The following EP400 variants were observed in gnomAD, a reference collection of about 807,000 sequenced individuals.
EP400 encodes E1A binding protein p400.
Under a neutral mutation model 354.1 loss-of-function variants are expected in EP400, and 105 were observed. The observed-to-expected ratio is 0.30, with a 90% CI of 0.25 to 0.35. The LOEUF is 0.35. EP400 is among the 10% of genes least tolerant of loss of function. The pLI is 1.00. For missense variants in EP400, 3,280 were observed against 4,121.0 expected (o/e 0.80, Z 5.59); for synonymous variants, 1,646 against 1,716.9 (o/e 0.96, Z 1.02).
chr12:132,062,722 C>T, intron 47 of EP400, 21 bp downstream of exon 47: 1 of 1,610,734 alleles, frequency 6.2e-7, no homozygotes, highest in Non-Finnish European at 8.5e-7. Flanking sequence ...CCCAGAGGAC[C>T]ATGAACGTGT....
At chr12:131,963,457 C>T in intron 2 of EP400, 1 of 1,071,934 alleles carries the variant, frequency 9.3e-7, no homozygotes, top group Non-Finnish European at 1.4e-6. Flanking sequence ...GAGCTATCAG[C>T]AATAAAATTC....
At chr12:131,951,133 G>A (rs1891471833) in intron 1 of EP400, among the ~76,000 whole-genome samples, 1 of 147,704 alleles carries the variant, frequency 6.8e-6, no homozygotes, top group South Asian at 2.1e-4. Flanking sequence ...GGTCCGGCTG[G>A]TCTGGAACTC....
At chr12:131,992,920 T>G (rs1893088083) in intron 11 of EP400, among the ~76,000 whole-genome samples, 1 of 152,228 alleles carries the variant, frequency 6.6e-6, no homozygotes, top group East Asian at 1.9e-4. Flanking sequence ...CTTTTCCAAA[T>G]TTTTGAAGAT....
chr12:131,957,185 A>G (rs1891731938), intron 1 of EP400, among the ~76,000 whole-genome samples: 1 of 151,840 alleles, frequency 6.6e-6, no homozygotes, highest in Non-Finnish European at 1.5e-5. Flanking sequence ...TTTGTCTTTA[A>G]TTAATTTTTC....
chr12:131,956,033 C>T (rs1277526186), intron 1 of EP400, among the ~76,000 whole-genome samples: 1 of 152,178 alleles, frequency 6.6e-6, no homozygotes, highest in Non-Finnish European at 1.5e-5. Flanking sequence ...TCCCCATTTC[C>T]TCATGCATCT....
At chr12:132,059,808 GAT>G (rs953134375) in intron 45 of EP400, among the ~76,000 whole-genome samples, 2 of 151,706 alleles carry the variant, frequency 1.3e-5, no homozygotes, top group Non-Finnish European at 2.9e-5. Flanking sequence ...GAGGTCAGGA[GAT>G]AAGAGACCAT....
rs185686043 is a variant in EP400 at position 131,982,062 on chromosome 12, C to G, written c.1544-31C>G. The stretch of plus-strand genomic sequence containing the variant: ...GGTAGAAGCTGCCACACTTGGGAAT[C>G]AGTGCTTTTGGCACTTTTCTTATTT... On this transcript the variant is annotated intron_variant, in intron 4 of 52. Transcript: ENST00000389561. 2.3e-4 allele frequency: 350 copies of G among 1,500,752 alleles called. 2 individuals are homozygous for G. In the African/African-American group the frequency reaches 4.3e-3, roughly 18 times the overall value. 93.0% of individuals were successfully genotyped at this position (1,500,752 alleles called of 1,614,324 possible).
At chr12:132,012,982 C>A in intron 16 of EP400, 27 bp from the exon 17 acceptor site, 2 of 1,564,546 alleles carry the variant, frequency 1.3e-6, no homozygotes, top group Non-Finnish European at 1.7e-6. Flanking sequence ...AGTGTGAAGG[C>A]ACTGAGCTGT....
At chr12:131,975,198 G>A (rs1160570407) in intron 2 of EP400, among the ~76,000 whole-genome samples, 1 of 152,110 alleles carries the variant, frequency 6.6e-6, no homozygotes, top group Non-Finnish European at 1.5e-5. Context: ...GCCACAGCCG[G>A]GGAGCAGTCA....
chr12:132,010,533 A>T (rs941871800), intron 15 of EP400, among the ~76,000 whole-genome samples: 6 of 152,278 alleles, frequency 3.9e-5, no homozygotes, highest in Non-Finnish European at 8.8e-5. Flanking sequence ...CCATAGATGG[A>T]TGTGTTGTAA....
chr12:131,976,581 G>A (rs1207951433), intron 2 of EP400, among the ~76,000 whole-genome samples: 1 of 152,002 alleles, frequency 6.6e-6, no homozygotes, highest in Non-Finnish European at 1.5e-5. Context: ...GCATGGTGGC[G>A]CACCTGTAGT....
At chr12:131,955,185 A>T (rs561485242) in intron 1 of EP400, among the ~76,000 whole-genome samples, 14 of 152,276 alleles carry the variant, frequency 9.2e-5, no homozygotes, top group Non-Finnish European at 2.1e-4. Flanking sequence ...GTTTCTTTGC[A>T]TTATAGTTGA....
Position 132,037,754 on chromosome 12 carries a change from T to A in EP400, c.6024T>A (p.Ala2008=), listed in dbSNP as rs1894764790. The change falls in exon 31 of 53, where the codon GCT becomes GCA. Residue 2008 remains alanine (A), a synonymous_variant. Transcript: ENST00000389561. ...CTAAAGATCTGATCCGAGAAGTGGCTGCTCAGGGAAATGACTACTCCATGG... is the reference window on the plus strand; with the variant it reads ...CTAAAGATCTGATCCGAGAAGTGGCAGCTCAGGGAAATGACTACTCCATGG... ...NGTKDLIREV[A]AQGNDYSMAF... 2 of 1,614,104 alleles carry A rather than the reference T, an allele frequency of 1.2e-6. No individual in the cohort carries two copies. Among genetic ancestry groups the A allele is most frequent in the Non-Finnish European group, 1.7e-6 (2 of 1,180,046 alleles).
In EP400 at chr12:131,986,887, C is replaced by T. The variant is rs1412755925; in HGVS notation, c.2223+80C>T. Reference sequence around the variant, plus strand: ...GTTTTAATTGTCAAGAATGTGATGGCGTAAAACCGAATGCCTGGTCAATTC... The same window carrying T: ...GTTTTAATTGTCAAGAATGTGATGGTGTAAAACCGAATGCCTGGTCAATTC... On this transcript the variant is annotated intron_variant, in intron 6 of 52. Coordinates refer to ENST00000389561, the MANE Select transcript of EP400 (RefSeq NM_015409.5). 5.4e-6 allele frequency: 8 copies of T among 1,474,948 alleles called. No individual in the cohort carries two copies. The East Asian group carries it at 9.1e-5, about 17-fold the overall frequency. The allele number at this position is 1,474,948 out of a possible 1,614,324, so 91.4% of individuals were successfully genotyped here. A position where few individuals can be genotyped will look rare whatever the true frequency, so the allele number is the denominator to read the frequency against.
At chr12:132,051,869 T>C (rs887483235) in intron 41 of EP400, among the ~76,000 whole-genome samples, 1 of 152,156 alleles carries the variant, frequency 6.6e-6, no homozygotes, top group African/African-American at 2.4e-5. Context: ...TCCTTGACAC[T>C]AATGCTACTG....
At chr12:131,987,947 GC>G (rs1892907231) in intron 7 of EP400, 57 bp downstream of exon 7, 1 of 1,412,666 alleles carries the variant, frequency 7.1e-7, no homozygotes, top group Non-Finnish European at 9.4e-7. Flanking sequence ...GCTTGAGTTT[GC>G]AGTGGTGTAA....
chr12:132,020,752 CT>C (rs1894097352), intron 22 of EP400, among the ~76,000 whole-genome samples: 1 of 152,186 alleles, frequency 6.6e-6, no homozygotes, highest in Non-Finnish European at 1.5e-5. Flanking sequence ...AGTGGAAGCT[CT>C]GTTGATGTTT....
At chr12:132,071,424 AG>A (rs1315452939) in intron 51 of EP400, among the ~76,000 whole-genome samples, 6 of 152,004 alleles carry the variant, frequency 3.9e-5, no homozygotes, top group Non-Finnish European at 8.8e-5. Context: ...CTCCTACCAG[AG>A]GCTTCCGGCT....
rs1892899255 is a variant in EP400 at position 131,987,719 on chromosome 12, T to G, written c.2238T>G (p.His746Gln). ...ATCATCTACAGGAGAACCAGGTGCA[T>G]CAGCGCATTGCGGAGCTGAGGAAAG... ...TEQITLENQV[H>Q]QRIAELRKAG... The change falls in exon 7 of 53, where the codon CAT becomes CAG. Residue 746 changes from histidine (H) to glutamine (Q), a missense_variant. This residue lies in a region of EP400 where 800 missense variants were observed against 840.0 expected (regional missense o/e 0.95). Transcript: ENST00000389561. 1.2e-6 allele frequency: 2 copies of G among 1,606,876 alleles called. No individual in the cohort carries two copies.
Sources: allele counts gnomAD v4.1 joint callset (sites outside exome capture counted in the v4.1 genomes callset), GRCh38; gene constraint gnomAD v4.1.1; regional missense constraint gnomAD v4.1.1; transcripts MANE v1.5; gene names NCBI Gene and HGNC (gene_info 2026-07-23, HGNC 2026-07-21).